Variants in PDCD4 observed in about 807,000 individuals in gnomAD.
The protein encoded by PDCD4 is programmed cell death 4, also known as programmed cell death protein 4.
PDCD4 carries 56 observed loss-of-function variants against 54.0 expected under a neutral mutation model. That is an observed-to-expected ratio of 1.04 (90% CI 0.84 to 1.30). The LOEUF (loss-of-function observed/expected upper bound fraction) is 1.30, where lower values mean the gene tolerates loss of function less well. PDCD4 is among the 50% of genes most tolerant of loss of function. The pLI, the probability that PDCD4 is intolerant of heterozygous loss-of-function variation, is 0.00. For missense variants in PDCD4, 584 were observed against 559.8 expected (o/e 1.04, Z -0.44); for synonymous variants, 186 against 194.8 (o/e 0.95, Z 0.37).
At position 110,876,050 on chromosome 10, in the gene PDCD4, TACTG is replaced by T. The variant is rs1340439433; in HGVS notation, c.25_28del (p.Leu9MetfsTer2). The T allele has an allele frequency of 6.2e-7, 1 of 1,610,978 alleles. No individual in the cohort carries two copies. Among genetic ancestry groups the T allele is most frequent in the Non-Finnish European group, 8.5e-7 (1 of 1,178,244 alleles). ...AAAATGGATGTAGAAAATGAGCAGA[TACTG>T]AATGTAAACCCTGCAGGTAAGTAAG... On this transcript the variant is annotated frameshift_variant, in exon 2 of 12. Transcript: ENST00000280154. LOFTEE classifies it high-confidence loss of function.
At chr10:110,888,306 A>G (rs907013430) in intron 6 of PDCD4, among the ~76,000 whole-genome samples, 5 of 152,150 alleles carry the variant, frequency 3.3e-5, no homozygotes, top group African/African-American at 4.8e-5. Flanking sequence ...AATTGTTGCT[A>G]TTGTCAAAAG....
chr10:110,897,899 T>A lies in PDCD4; in HGVS notation c.1350-129T>A, dbSNP rs561361104. ...TCCAAAGGAATTAGAGGCATGCTTTTTTTTTTTAATGGAAAACCCTTTAAA... is the reference window on the plus strand; with the variant it reads ...TCCAAAGGAATTAGAGGCATGCTTTATTTTTTTAATGGAAAACCCTTTAAA... On this transcript the variant is annotated intron_variant, in intron 11 of 11. Coordinates refer to ENST00000280154, the MANE Select transcript of PDCD4 (RefSeq NM_014456.5). 2.0e-5 allele frequency: 10 copies of A among 511,246 alleles called. No individual in the cohort carries two copies. The South Asian group carries it at 4.1e-4, about 21-fold the overall frequency. 31.7% of individuals were successfully genotyped at this position (511,246 alleles called of 1,614,324 possible).
Position 110,890,596 on chromosome 10 carries a change from A to T in PDCD4, c.916A>T (p.Lys306Ter). 1 of 1,613,560 alleles carries T rather than the reference A, an allele frequency of 6.2e-7. No homozygotes were observed. The highest frequency in any genetic ancestry group is 8.5e-7 in the Non-Finnish European group (1 of 1,179,642). The change falls in exon 8 of 12, where the codon AAA (lysine) becomes TAA (stop). Residue 306 changes from lysine (K) to a stop codon, truncating the protein, a stop_gained. Transcript: ENST00000280154. LOFTEE classifies it high-confidence loss of function. ...DKATVLLSMS[K>*]GGKRKDSVWG... is the part of the protein sequence containing the mutation. ...GGCTACCGTGCTTCTGAGTATGTCT[A>T]AAGGTGGAAAGCGTAAAGATAGTGT... is the stretch of plus-strand genomic sequence containing the variant.
chr10:110,872,470 C>G (rs1364934080), intron 1 of PDCD4, among the ~76,000 whole-genome samples: 1 of 152,216 alleles, frequency 6.6e-6, no homozygotes, highest in African/African-American at 2.4e-5. Context: ...CCTGCCCTCC[C>G]TGGGAATCCT....
chr10:110,896,893 T>C (rs1221809364), intron 11 of PDCD4, among the ~76,000 whole-genome samples: 2 of 152,150 alleles, frequency 1.3e-5, no homozygotes, highest in African/African-American at 4.8e-5. Flanking sequence ...TTAGAAGCCA[T>C]TAAAAGAGAG....
At chr10:110,891,561 A>T (rs975867933) in intron 8 of PDCD4, among the ~76,000 whole-genome samples, 1 of 152,100 alleles carries the variant, frequency 6.6e-6, no homozygotes, top group Non-Finnish European at 1.5e-5. Context: ...AAGAAAAGGC[A>T]TGCAACTAGA....
At chr10:110,883,247 T>A (rs1192806283) in intron 4 of PDCD4, 150 bp downstream of exon 4, 1 of 564,342 alleles carries the variant, frequency 1.8e-6, no homozygotes, top group Non-Finnish European at 3.1e-6. Context: ...CATGCATAAC[T>A]TTCACTTGGT....
chr10:110,873,904 G>T (rs1042325057), intron 1 of PDCD4, among the ~76,000 whole-genome samples: 1 of 152,106 alleles, frequency 6.6e-6, no homozygotes, highest in Non-Finnish European at 1.5e-5. Context: ...TTTGTCTGAC[G>T]GAATGCCTTC....
At chr10:110,893,068 A>G (rs906751487) in intron 8 of PDCD4, among the ~76,000 whole-genome samples, 1 of 152,032 alleles carries the variant, frequency 6.6e-6, no homozygotes, top group Non-Finnish European at 1.5e-5. Context: ...AGTAGGCTAT[A>G]CCATCTAGGT....
chr10:110,882,028 T>C (rs938343329), intron 3 of PDCD4, among the ~76,000 whole-genome samples: 6 of 152,216 alleles, frequency 3.9e-5, no homozygotes, highest in African/African-American at 1.4e-4. Flanking sequence ...CTGCTGTTTC[T>C]CTAGTACCCG....
intron 6 of PDCD4, among the ~76,000 whole-genome samples, chr10:110,889,084 G>A (rs529028534): frequency 8.4e-4 from 128 of 152,016 alleles, no homozygotes; most frequent in Middle Eastern, 3.4e-3. Flanking sequence ...ACAAAAATTA[G>A]CCAGGTGTGC....
chr10:110,885,042 C>T (rs561045094), intron 4 of PDCD4: 5 of 368,272 alleles, frequency 1.4e-5, no homozygotes, highest in South Asian at 1.2e-4. Flanking sequence ...GTGAACCTCC[C>T]GCCTTTGCCT....
At chr10:110,891,842 A>G (rs1845762900) in intron 8 of PDCD4, among the ~76,000 whole-genome samples, 1 of 152,208 alleles carries the variant, frequency 6.6e-6, no homozygotes, top group Admixed American at 6.5e-5. Flanking sequence ...AGGTATAAAA[A>G]TAGTCAAGAT....
In PDCD4 at chr10:110,876,643, A is replaced by G. The variant is rs1845509771; in HGVS notation, c.43+573A>G. On this transcript the variant is annotated intron_variant, in intron 2 of 11. Coordinates refer to ENST00000280154, the MANE Select transcript of PDCD4 (RefSeq NM_014456.5). ...GTATCTTTGGTATCTTTCCTAACAAATAATTTTTATATTCTAAATTACCTA... is the reference window on the plus strand; with the variant it reads ...GTATCTTTGGTATCTTTCCTAACAAGTAATTTTTATATTCTAAATTACCTA... 3 of 736,586 alleles carry G rather than the reference A, an allele frequency of 4.1e-6. No homozygotes were observed. In the South Asian group the frequency reaches 1.4e-4, roughly 34 times the overall value. 45.6% of individuals were successfully genotyped at this position (736,586 alleles called of 1,614,324 possible). A position where few individuals can be genotyped will look rare whatever the true frequency, so the allele number is the denominator to read the frequency against.
rs187033317 is a variant in PDCD4, at chr10:110,879,853, C to T, written c.44-1380C>T. Among the ~76,000 whole-genome samples the T allele has an allele frequency of 4.0e-3, 603 of 152,186 alleles. 5 individuals are homozygous for T. The highest frequency in any genetic ancestry group is 0.014 in the African/African-American group (585 of 41,520). On this transcript the variant is annotated intron_variant, in intron 2 of 11. Transcript: ENST00000280154. ...GTTTAAAACAAAACATTCCTACCTTCCTAAGTATGTCAAGAATTGTAAAGA... is the reference window on the plus strand; with the variant it reads ...GTTTAAAACAAAACATTCCTACCTTTCTAAGTATGTCAAGAATTGTAAAGA...
intron 11 of PDCD4, among the ~76,000 whole-genome samples, chr10:110,897,362 T>TG (rs1205950121): frequency 6.6e-6 from 1 of 152,224 alleles, no homozygotes; most frequent in Non-Finnish European, 1.5e-5. Context: ...CCTATTGGCC[T>TG]GGGGTCAGAG....
intron 2 of PDCD4, among the ~76,000 whole-genome samples, chr10:110,876,400 T>C (rs901080138): frequency 6.6e-6 from 1 of 152,264 alleles, no homozygotes; most frequent in African/African-American, 2.4e-5. Context: ...TTAAATACTC[T>C]TTTATTCATG....
chr10:110,876,045 G>A lies in PDCD4; in HGVS notation c.18G>A (p.Glu6=), dbSNP rs151291276. The A allele has an allele frequency of 2.4e-4, 392 of 1,610,706 alleles. No individual in the cohort carries two copies. Among genetic ancestry groups the A allele is most frequent in the Non-Finnish European group, 3.3e-4 (384 of 1,178,116 alleles). MDVEN[E]QILNVNPADP... is the part of the protein sequence containing the mutation. ...AAGGGAAAATGGATGTAGAAAATGA[G>A]CAGATACTGAATGTAAACCCTGCAG... Residue 6 remains glutamate (E), a synonymous_variant, in exon 2 of 12, where the codon GAG becomes GAA. Coordinates refer to ENST00000280154, the MANE Select transcript of PDCD4 (RefSeq NM_014456.5).
At chr10:110,895,150 T>G (rs1300193396) in intron 10 of PDCD4, among the ~76,000 whole-genome samples, 1 of 152,102 alleles carries the variant, frequency 6.6e-6, no homozygotes, top group African/African-American at 2.4e-5. Flanking sequence ...TGCTGAGGTT[T>G]GGGCTTCTAA....
Sources: gnomAD v4.1 joint callset for allele counts (sites outside exome capture counted in the v4.1 genomes callset) on GRCh38, gnomAD v4.1.1 for gene constraint, MANE v1.5 for transcripts, NCBI Gene and HGNC (gene_info 2026-07-23, HGNC 2026-07-21) for gene names.